Variants in KLF5 observed in about 807,000 individuals in gnomAD.
The protein encoded by KLF5 is Krueppel-like factor 5.
In KLF5, 9 loss-of-function variants were observed where a neutral mutation model predicts 36.9. The observed-to-expected ratio is 0.24, with a 90% CI of 0.15 to 0.43. The LOEUF is 0.43. Ranked by LOEUF, KLF5 falls within the 20% of genes least tolerant of loss-of-function variation. The pLI, the probability that KLF5 is intolerant of heterozygous loss-of-function variation, is 1.00. For missense variants in KLF5, 524 were observed against 599.5 expected (o/e 0.87, Z 1.31); for synonymous variants, 246 against 241.7 (o/e 1.02, Z -0.17).
At chr13:73,060,182 C>T (rs1443209906) in intron 1 of KLF5, among the ~76,000 whole-genome samples, 1 of 144,906 alleles carries the variant, frequency 6.9e-6, no homozygotes, top group Admixed American at 7.0e-5. Flanking sequence ...AAAAAAAAGA[C>T]CGGGGGTGTT....
chr13:73,057,596 G>A (rs1211131197), upstream of KLF5, among the ~76,000 whole-genome samples: 1 of 152,072 alleles, frequency 6.6e-6, no homozygotes, highest in Non-Finnish European at 1.5e-5. Context: ...ATTTCTTTAT[G>A]TGCATATTAA....
Position 73,076,601 on chromosome 13 carries a change from AATC to A in KLF5, c.*718_*720del, listed in dbSNP as rs2044763296. On this transcript the variant is annotated 3_prime_UTR_variant, in exon 4 of 4. Coordinates refer to ENST00000377687, the MANE Select transcript of KLF5 (RefSeq NM_001730.5). ...AATCATTTCTTTAGAGGGAAGGAAT[AATC>A]ATTCAAATGAACTTTAAAAAAGCAA... The A allele has an allele frequency of 6.6e-6, 1 of 152,466 alleles. No homozygotes were observed. The highest frequency in any genetic ancestry group is 2.4e-5 in the African/African-American group (1 of 41,456). 9.4% of individuals were successfully genotyped at this position (152,466 alleles called of 1,614,324 possible). A position where few individuals can be genotyped will look rare whatever the true frequency, so the allele number is the denominator to read the frequency against.
At chr13:73,066,847 A>G (rs757145696) in intron 3 of KLF5, among the ~76,000 whole-genome samples, 1 of 152,208 alleles carries the variant, frequency 6.6e-6, no homozygotes, top group Non-Finnish European at 1.5e-5. Context: ...AATCGCATAT[A>G]AATAATACAA....
In KLF5 at chr13:73,062,782, TGTGTGTGTCTGTGTGCGCGCGCGTGTGC is replaced by T. The variant is rs772645094; in HGVS notation, c.1135+56_1135+83del. The T allele has an allele frequency of 5.9e-6, 9 of 1,534,278 alleles. No homozygotes were observed. In the African/African-American group the frequency reaches 7.0e-5, roughly 12 times the overall value. On this transcript the variant is annotated intron_variant, in intron 2 of 3. Transcript: ENST00000377687. ...AGCATCAATAGATGTAGTGTGTGTG[TGTGTGTGTCTGTGTGCGCGCGCGTGTGC>T]GTGTGTGCACGCGCGTGCCCTTTTC...
At chr13:73,058,912 G>C (rs2044604039), upstream of KLF5, 1 of 156,418 alleles carries the variant, frequency 6.4e-6, no homozygotes, top group Non-Finnish European at 1.4e-5. Context: ...GCCGGCCTCG[G>C]GGCCTCGGGA....
At chr13:73,060,950 G>A (rs958869073) in intron 1 of KLF5, among the ~76,000 whole-genome samples, 2 of 152,116 alleles carry the variant, frequency 1.3e-5, no homozygotes, top group Non-Finnish European at 2.9e-5. Flanking sequence ...TGCTCTGGAG[G>A]CACTAAGAAG....
chr13:73,060,305 C>A (rs1312936865), intron 1 of KLF5, among the ~76,000 whole-genome samples: 1 of 151,970 alleles, frequency 6.6e-6, no homozygotes, highest in East Asian at 1.9e-4. Flanking sequence ...CTTTCGCCCA[C>A]GCAGGGAGTC....
intron 3 of KLF5, among the ~76,000 whole-genome samples, chr13:73,074,069 C>T (rs2044741523): frequency 6.6e-6 from 1 of 152,092 alleles, no homozygotes; most frequent in Non-Finnish European, 1.5e-5. Flanking sequence ...AAGTATGGCA[C>T]AGCAATCCAT....
intron 3 of KLF5, 149 bp downstream of exon 3, chr13:73,064,032 TG>T (rs1246436215): frequency 1.8e-6 from 1 of 554,710 alleles, no homozygotes; most frequent in Non-Finnish European, 3.1e-6. Context: ...AGCACAGGCT[TG>T]GTTCAGAATT....
intron 1 of KLF5, chr13:73,059,828 G>A: frequency 1.0e-6 from 1 of 956,514 alleles, no homozygotes; most frequent in Non-Finnish European, 1.2e-6. Context: ...CCGGCGGGTC[G>A]GCCTGGGAGA....
At chr13:73,067,518 A>G (rs1204829783) in intron 3 of KLF5, among the ~76,000 whole-genome samples, 3 of 152,236 alleles carry the variant, frequency 2.0e-5, no homozygotes, top group East Asian at 3.8e-4. Context: ...GTGGATATAC[A>G]CTTAACCTTA....
At chr13:73,063,086 C>G (rs1293561289) in intron 2 of KLF5, among the ~76,000 whole-genome samples, 1 of 151,952 alleles carries the variant, frequency 6.6e-6, no homozygotes, top group Non-Finnish European at 1.5e-5. Context: ...GCCAGAGTTA[C>G]TTTAAAATGG....
chr13:73,060,157 T>TAAAA (rs535575783), intron 1 of KLF5, among the ~76,000 whole-genome samples: 1 of 116,678 alleles, frequency 8.6e-6, no homozygotes, highest in African/African-American at 3.3e-5. Context: ...TATTTTTCCT[T>TAAAA]AAAAAAAAAA....
chr13:73,059,257 C>A lies in KLF5; in HGVS notation c.-71C>A. The A allele has an allele frequency of 8.0e-7, 1 of 1,255,788 alleles. No homozygotes were observed. The highest frequency in any genetic ancestry group is 2.6e-5 in the South Asian group (1 of 37,984). 77.8% of individuals were successfully genotyped at this position (1,255,788 alleles called of 1,614,324 possible). On this transcript the variant is annotated 5_prime_UTR_variant, in exon 1 of 4. Coordinates refer to ENST00000377687, the MANE Select transcript of KLF5 (RefSeq NM_001730.5). ...GCCGGCAGCCCCGCGCTGAGCTCGC[C>A]GACCCAAGCCAGCGTGGGCGAGGTG...
intron 3 of KLF5, among the ~76,000 whole-genome samples, chr13:73,067,842 CT>C (rs66630634): frequency 0.27 from 37,778 of 138,938 alleles, 5,111 homozygotes; most frequent in Non-Finnish European, 0.33. Flanking sequence ...ATTCACTCTT[CT>C]TTTTTTTTTT....
chr13:73,063,404 A>G (rs1210650638), intron 2 of KLF5, among the ~76,000 whole-genome samples: 1 of 152,236 alleles, frequency 6.6e-6, no homozygotes, highest in Non-Finnish European at 1.5e-5. Context: ...CTGATACATG[A>G]TATGGCATGA....
chr13:73,074,368 A>G (rs1367757567), intron 3 of KLF5, among the ~76,000 whole-genome samples: 2 of 151,350 alleles, frequency 1.3e-5, no homozygotes, highest in Non-Finnish European at 2.9e-5. Context: ...AGCAACTCTG[A>G]GGTTCCTCCC....
intron 3 of KLF5, among the ~76,000 whole-genome samples, chr13:73,068,621 T>G (rs1319791571): frequency 6.6e-6 from 1 of 150,880 alleles, no homozygotes; most frequent in African/African-American, 2.4e-5. Context: ...AGAGACTCGT[T>G]TGAACCCACG....
Position 73,061,927 on chromosome 13 carries a change from A to C in KLF5, c.328A>C (p.Lys110Gln). 3 of 1,614,002 alleles carry C rather than the reference A, an allele frequency of 1.9e-6. No homozygotes were observed. Among genetic ancestry groups the C allele is most frequent in the Non-Finnish European group, 2.5e-6 (3 of 1,179,830 alleles). The change falls in exon 2 of 4, where the codon AAA (lysine) becomes CAA (glutamine). Residue 110 changes from lysine (K) to glutamine (Q), a missense_variant. By Grantham distance (53) the Lys-to-Gln change is moderately conservative. This residue lies in a region of KLF5 where 454 missense variants were observed against 458.1 expected (regional missense o/e 0.99). Transcript: ENST00000377687. Reference sequence around the variant, plus strand: ...TCCAGTTCCTATAATTCCAGAGCATAAAAAGTATAGACGAGACAGTGCCTC... The same window carrying C: ...TCCAGTTCCTATAATTCCAGAGCATCAAAAGTATAGACGAGACAGTGCCTC... ...LPPVPIIPEHKKYRRDSASVV... is the reference protein window; with the variant it reads ...LPPVPIIPEHQKYRRDSASVV...
Sources: allele counts gnomAD v4.1 joint callset (sites outside exome capture counted in the v4.1 genomes callset), GRCh38; gene constraint gnomAD v4.1.1; regional missense constraint gnomAD v4.1.1; transcripts MANE v1.5; gene names NCBI Gene and HGNC (gene_info 2026-07-23, HGNC 2026-07-21).